Variants in DIS3L2 observed in about 807,000 individuals in gnomAD.
DIS3L2 encodes DIS3-like exonuclease 2.
In DIS3L2, 34 loss-of-function variants were observed where a neutral mutation model predicts 97.5. The observed-to-expected ratio is 0.35, with a 90% CI of 0.27 to 0.46. The LOEUF (loss-of-function observed/expected upper bound fraction) is 0.46. DIS3L2 is among the 20% of genes least tolerant of loss of function. The probability of loss-of-function intolerance (pLI) is 1.00; values close to 1 mark genes in which losing one functional copy is unlikely to be tolerated. For synonymous variants in DIS3L2, 435 were observed against 445.2 expected (o/e 0.98, Z 0.29); for missense variants, 1,038 against 1,146.0 (o/e 0.91, Z 1.36).
At chr2:232,291,948 C>T (rs545235646) in intron 13 of DIS3L2, among the ~76,000 whole-genome samples, 4 of 152,318 alleles carry the variant, frequency 2.6e-5, no homozygotes, top group East Asian at 1.9e-4. Flanking sequence ...TCTGATGTGG[C>T]GTCTTCCCTA....
intron 19 of DIS3L2, chr2:232,335,144 A>G (rs1423233066): frequency 5.0e-6 from 1 of 200,972 alleles, no homozygotes; most frequent in Non-Finnish European, 1.0e-5. Flanking sequence ...CTGTTGACTC[A>G]CAGTTCTCTC....
chr2:232,147,677 A>G (rs938038702), intron 8 of DIS3L2, among the ~76,000 whole-genome samples: 1 of 152,218 alleles, frequency 6.6e-6, no homozygotes, highest in Non-Finnish European at 1.5e-5. Context: ...GAAGACAGAA[A>G]CTACTTAGAA....
chr2:232,206,073 G>A (rs1194814266), intron 9 of DIS3L2, among the ~76,000 whole-genome samples: 2 of 152,218 alleles, frequency 1.3e-5, no homozygotes, highest in Non-Finnish European at 2.9e-5. Flanking sequence ...CACCATGGGA[G>A]GCCTGTGCAG....
intron 12 of DIS3L2, among the ~76,000 whole-genome samples, chr2:232,253,469 G>A (rs1359228128): frequency 1.3e-5 from 2 of 152,172 alleles, no homozygotes; most frequent in Admixed American, 1.3e-4. Flanking sequence ...TGGAAAGTTT[G>A]GGGTAGATTA....
intron 13 of DIS3L2, among the ~76,000 whole-genome samples, chr2:232,263,838 G>A (rs1693787936): frequency 6.6e-6 from 1 of 152,148 alleles, no homozygotes; most frequent in Admixed American, 6.5e-5. Flanking sequence ...GGAAATTTAG[G>A]AGGCAGCTGA....
intron 16 of DIS3L2, among the ~76,000 whole-genome samples, chr2:232,333,130 ACCACCTCCTCCTT>A (rs1695798623): frequency 7.0e-6 from 1 of 143,696 alleles, no homozygotes; most frequent in Admixed American, 7.0e-5. Context: ...CTCGACCACC[ACCACCTCCTCCTT>A]CCACCACCTC....
At position 231,979,417 on chromosome 2, in the gene DIS3L2, C is replaced by T. The variant is rs151078140; in HGVS notation, c.-94+17652C>T. Among the ~76,000 whole-genome samples the T allele has an allele frequency of 5.5e-3, 835 of 151,752 alleles. 7 individuals are homozygous for T. Among genetic ancestry groups the T allele is most frequent in the African/African-American group, 0.018 (727 of 41,248 alleles). On this transcript the variant is annotated intron_variant, in intron 1 of 20. Coordinates refer to ENST00000325385, the MANE Select transcript of DIS3L2 (RefSeq NM_152383.5). ...GTCTACAGGCATTCACCACCATGCC[C>T]GGCTAATTTTTGTATTTTTTGTAGA...
intron 5 of DIS3L2, among the ~76,000 whole-genome samples, chr2:232,063,836 C>T (rs1695780046): frequency 6.6e-6 from 1 of 152,114 alleles, no homozygotes; most frequent in Non-Finnish European, 1.5e-5. Flanking sequence ...CGTCACCTCA[C>T]TGTAAGTGGG....
chr2:232,337,964 G>A (rs184238398), downstream of DIS3L2, among the ~76,000 whole-genome samples: 657 of 149,888 alleles, frequency 4.4e-3, 8 homozygotes, highest in Admixed American at 7.5e-3. Flanking sequence ...TGCCACCCCC[G>A]AGATGTCCCA....
At chr2:232,236,150 A>G (rs939171837) in intron 10 of DIS3L2, among the ~76,000 whole-genome samples, 4 of 151,964 alleles carry the variant, frequency 2.6e-5, no homozygotes, top group Admixed American at 1.3e-4. Flanking sequence ...GGAATCTTAA[A>G]TTCTTTTCCT....
intron 14 of DIS3L2, chr2:232,328,892 C>T (rs549546121): frequency 6.6e-6 from 1 of 152,402 alleles, no homozygotes; most frequent in East Asian, 1.9e-4. Flanking sequence ...AGTGCGTGGC[C>T]TCCTGCCCCA....
intron 1 of DIS3L2, among the ~76,000 whole-genome samples, chr2:231,964,423 A>C (rs1196779862): frequency 2.6e-5 from 4 of 152,166 alleles, no homozygotes; most frequent in Non-Finnish European, 5.9e-5. Context: ...GAAATTTGCT[A>C]CATTGAAGAA....
intron 9 of DIS3L2, among the ~76,000 whole-genome samples, chr2:232,193,253 G>T (rs1691665032): frequency 1.3e-5 from 2 of 152,186 alleles, no homozygotes; most frequent in Admixed American, 6.5e-5. Context: ...TTCTACCTTT[G>T]GGAGTTTTAA....
At chr2:232,338,754 C>T (rs2106359754), downstream of DIS3L2, among the ~76,000 whole-genome samples, 1 of 152,258 alleles carries the variant, frequency 6.6e-6, no homozygotes, top group East Asian at 1.9e-4. Context: ...CGCGCATTCA[C>T]AGGATGGCTC....
chr2:232,083,604 C>T (rs1294991634), intron 5 of DIS3L2, among the ~76,000 whole-genome samples: 2 of 151,712 alleles, frequency 1.3e-5, no homozygotes, highest in East Asian at 1.9e-4. Context: ...AAGTGATTCT[C>T]TTGCCTCAGC....
chr2:232,199,152 G>C (rs1015016079), intron 9 of DIS3L2, among the ~76,000 whole-genome samples: 2 of 152,074 alleles, frequency 1.3e-5, no homozygotes, highest in African/African-American at 4.8e-5. Flanking sequence ...TGTTCTACTG[G>C]TTCCTACAAC....
intron 11 of DIS3L2, among the ~76,000 whole-genome samples, chr2:232,247,634 GGC>G (rs1559173631): frequency 4.3e-4 from 26 of 59,998 alleles, no homozygotes; most frequent in African/African-American, 5.4e-4. Flanking sequence ...GGGGGGGGGG[GGC>G]GGGGGGGAGG....
chr2:232,165,190 A>G (rs1044326177), intron 9 of DIS3L2, among the ~76,000 whole-genome samples: 6 of 152,376 alleles, frequency 3.9e-5, no homozygotes, highest in Non-Finnish European at 7.3e-5. Flanking sequence ...TGTTATGTCA[A>G]TATGATAGCA....
At chr2:232,295,078 A>C (rs527809359) in intron 13 of DIS3L2, among the ~76,000 whole-genome samples, 38 of 152,204 alleles carry the variant, frequency 2.5e-4, no homozygotes, top group Middle Eastern at 3.4e-3. Context: ...GGACCAACCT[A>C]ACTTTCTTCA....
Sources: allele counts gnomAD v4.1 joint callset (sites outside exome capture counted in the v4.1 genomes callset), GRCh38; gene constraint gnomAD v4.1.1; transcripts MANE v1.5; gene names NCBI Gene and HGNC (gene_info 2026-07-23, HGNC 2026-07-21).